CIMIP6: variants seen among roughly 807,000 people sequenced by gnomAD.
CIMIP6 encodes ciliary microtubule inner protein 6.
At chr2:54,348,506 ATATT>A in the CIMIP6 span, among the ~76,000 whole-genome samples, 2 of 152,166 alleles carry the variant, frequency 1.3e-5, no homozygotes, top group African/African-American at 4.8e-5. Flanking sequence ...GATTCAATAA[ATATT>A]TATTAGTTAA....
At chr2:54,375,106 CA>C in the CIMIP6 span, among the ~76,000 whole-genome samples, 1 of 152,082 alleles carries the variant, frequency 6.6e-6, no homozygotes, top group African/African-American at 2.4e-5. Flanking sequence ...AACAAGACCC[CA>C]AACCCAGAAG....
chr2:54,341,010 A>G, the CIMIP6 span, among the ~76,000 whole-genome samples: 4 of 152,166 alleles, frequency 2.6e-5, no homozygotes, highest in African/African-American at 7.2e-5. Context: ...TCCATCAGCC[A>G]TTTCCTAGTG....
chr2:54,338,766 C>T, the CIMIP6 span, among the ~76,000 whole-genome samples: 13 of 75,116 alleles, frequency 1.7e-4, 4 homozygotes, highest in South Asian at 2.4e-3. Flanking sequence ...TTTAAGATTT[C>T]GTACATTTCT....
At chr2:54,375,130 A>C in the CIMIP6 span, among the ~76,000 whole-genome samples, 42 of 152,364 alleles carry the variant, frequency 2.8e-4, no homozygotes, top group African/African-American at 9.9e-4. Flanking sequence ...GTGAAGGAAC[A>C]GAACAGCAGG....
At chr2:54,360,206 C>T in the CIMIP6 span, 6 of 1,562,766 alleles carry the variant, frequency 3.8e-6, no homozygotes, top group African/African-American at 6.9e-5. Flanking sequence ...TTTCCAGAGA[C>T]ACGGAGCTTT....
At chr2:54,360,351 T>A in the CIMIP6 span, 1 of 1,610,840 alleles carries the variant, frequency 6.2e-7, no homozygotes, top group Non-Finnish European at 8.5e-7. Flanking sequence ...GAAAGCAGAA[T>A]GATCTCACCA....
the CIMIP6 span, among the ~76,000 whole-genome samples, chr2:54,338,728 T>C: frequency 2.7e-5 from 2 of 75,106 alleles, 1 homozygote; most frequent in Admixed American, 2.5e-4. Context: ...CAAGACGAGA[T>C]TGGTTGGTTT....
chr2:54,344,719 G>A, the CIMIP6 span, among the ~76,000 whole-genome samples: 2 of 151,826 alleles, frequency 1.3e-5, no homozygotes, highest in East Asian at 3.9e-4. Context: ...CTGATCCCCC[G>A]TCCCCTTCTT....
At chr2:54,378,118 T>A in the CIMIP6 span, among the ~76,000 whole-genome samples, 4 of 152,182 alleles carry the variant, frequency 2.6e-5, no homozygotes, top group South Asian at 8.3e-4. Context: ...CTTTCCTTTT[T>A]ACCAGATTTG....
the CIMIP6 span, among the ~76,000 whole-genome samples, chr2:54,370,693 C>T: frequency 6.6e-6 from 1 of 152,120 alleles, no homozygotes; most frequent in African/African-American, 2.4e-5. Flanking sequence ...GTTGCGGGGG[C>T]CTGCTTCCCT....
chr2:54,369,094 C>T, the CIMIP6 span, among the ~76,000 whole-genome samples: 1 of 152,088 alleles, frequency 6.6e-6, no homozygotes, highest in Admixed American at 6.5e-5. Flanking sequence ...GCCACAGGAG[C>T]CTGCAGCCAT....
the CIMIP6 span, among the ~76,000 whole-genome samples, chr2:54,334,366 A>C: frequency 3.3e-5 from 5 of 152,316 alleles, no homozygotes; most frequent in South Asian, 1.0e-3. Flanking sequence ...TTTGCCAGAC[A>C]AACTTTTAAA....
At chr2:54,368,265 A>G in the CIMIP6 span, among the ~76,000 whole-genome samples, 1 of 152,228 alleles carries the variant, frequency 6.6e-6, no homozygotes, top group Non-Finnish European at 1.5e-5. Flanking sequence ...ACTTTTAAAC[A>G]TCAGTCAATA....
At chr2:54,349,602 A>T in the CIMIP6 span, among the ~76,000 whole-genome samples, 11 of 152,202 alleles carry the variant, frequency 7.2e-5, no homozygotes, top group Non-Finnish European at 1.3e-4. Context: ...TCTTTCAAGT[A>T]ATTACTTTGG....
the CIMIP6 span, among the ~76,000 whole-genome samples, chr2:54,363,597 T>C: frequency 1.3e-5 from 2 of 152,238 alleles, no homozygotes; most frequent in African/African-American, 4.8e-5. Flanking sequence ...TCCTTTAGTT[T>C]TGTTCTTCTA....
chr2:54,382,372 T>A, the CIMIP6 span, among the ~76,000 whole-genome samples: 1 of 152,148 alleles, frequency 6.6e-6, no homozygotes, highest in African/African-American at 2.4e-5. Context: ...TGAAAAGCAA[T>A]ATAAACAATG....
At chr2:54,373,248 A>G in the CIMIP6 span, among the ~76,000 whole-genome samples, 2 of 152,034 alleles carry the variant, frequency 1.3e-5, no homozygotes, top group Non-Finnish European at 1.5e-5. Context: ...CTCCAAGCCC[A>G]GCGCTGGCTG....
the CIMIP6 span, among the ~76,000 whole-genome samples, chr2:54,354,702 A>G: frequency 1.3e-5 from 2 of 152,036 alleles, no homozygotes; most frequent in African/African-American, 4.8e-5. Context: ...TTACTTTGCC[A>G]TACTCTTATT....
chr2:54,341,222 T>C, the CIMIP6 span, among the ~76,000 whole-genome samples: 2 of 152,180 alleles, frequency 1.3e-5, no homozygotes, highest in Non-Finnish European at 2.9e-5. Flanking sequence ...ATTGTAACTG[T>C]ATTAAAAGGT....
Sources: allele counts gnomAD v4.1 joint callset (sites outside exome capture counted in the v4.1 genomes callset), GRCh38; gene constraint gnomAD v4.1.1; transcripts MANE v1.5; gene names NCBI Gene and HGNC (gene_info 2026-07-23, HGNC 2026-07-21).